Variants in ADAMTS9 observed in about 807,000 individuals in gnomAD.
ADAMTS9 encodes the protein A disintegrin and metalloproteinase with thrombospondin motifs 9.
In ADAMTS9, 107 loss-of-function variants were observed where a neutral mutation model predicts 257.1. That is an observed-to-expected ratio of 0.42 (90% CI 0.36 to 0.49). The LOEUF is 0.49. Among genes scored for constraint, ADAMTS9 ranks in the 20% least tolerant of loss-of-function variants. The probability of loss-of-function intolerance (pLI) is 0.03; values close to 1 mark genes in which losing one functional copy is unlikely to be tolerated. For missense variants in ADAMTS9, 2,353 were observed against 2,469.1 expected (o/e 0.95, Z 1.00); for synonymous variants, 982 against 880.9 (o/e 1.11, Z -2.03).
chr3:64,545,161 G>T (rs2083180228), intron 32 of ADAMTS9, among the ~76,000 whole-genome samples: 1 of 152,200 alleles, frequency 6.6e-6, no homozygotes, highest in Admixed American at 6.5e-5. Flanking sequence ...CTGTTGGTGG[G>T]ACTGTAAACT....
chr3:64,522,390 C>G lies in ADAMTS9; in HGVS notation c.5719-130G>C. 3 of 744,332 alleles carry G rather than the reference C, an allele frequency of 4.0e-6. No homozygotes were observed. In the South Asian group the frequency reaches 5.4e-5, roughly 13 times the overall value. The allele number at this position is 744,332 out of a possible 1,614,324, so 46.1% of individuals were successfully genotyped here. A position where few individuals can be genotyped will look rare whatever the true frequency, so the allele number is the denominator to read the frequency against. ...CTGAACTGATGTGAAGCCCAACATA[C>G]TCACCATGGTCTAAAGCAGGGGCTG... On this transcript the variant is annotated intron_variant, in intron 38 of 39. Transcript: ENST00000498707.
intron 8 of ADAMTS9, among the ~76,000 whole-genome samples, chr3:64,653,574 T>C (rs1334399966): frequency 1.3e-5 from 2 of 152,196 alleles, no homozygotes; most frequent in African/African-American, 4.8e-5. Flanking sequence ...TAATAAATGA[T>C]GTTAGCTCTA....
At chr3:64,640,030 T>A (rs1176960314) in intron 12 of ADAMTS9, among the ~76,000 whole-genome samples, 1 of 152,162 alleles carries the variant, frequency 6.6e-6, no homozygotes, top group Non-Finnish European at 1.5e-5. Flanking sequence ...GTGTCTGAAT[T>A]TTTTGAAGCA....
At chr3:64,636,209 C>A (rs1700491951) in intron 12 of ADAMTS9, among the ~76,000 whole-genome samples, 1 of 152,098 alleles carries the variant, frequency 6.6e-6, no homozygotes, top group East Asian at 1.9e-4. Flanking sequence ...GTAACAGTTT[C>A]CACCTTTGCT....
At chr3:64,544,947 G>A (rs1292912583) in intron 32 of ADAMTS9, among the ~76,000 whole-genome samples, 4 of 152,126 alleles carry the variant, frequency 2.6e-5, no homozygotes, top group Admixed American at 2.0e-4. Context: ...ACAAGTGGGC[G>A]ATGGATATGA....
intron 30 of ADAMTS9, among the ~76,000 whole-genome samples, chr3:64,555,658 C>T (rs374680066): frequency 3.3e-5 from 5 of 152,158 alleles, no homozygotes; most frequent in Non-Finnish European, 7.3e-5. Context: ...GGAAACACAA[C>T]GGGGCAATTC....
chr3:64,604,384 T>C (rs982718042), intron 23 of ADAMTS9, 53 bp from the exon 24 acceptor site: 3 of 1,290,762 alleles, frequency 2.3e-6, no homozygotes, highest in Non-Finnish European at 3.3e-6. Context: ...CAATGCACTT[T>C]CAAGGTAATG....
intron 30 of ADAMTS9, among the ~76,000 whole-genome samples, chr3:64,557,160 G>C (rs1215815405): frequency 6.6e-6 from 1 of 152,124 alleles, no homozygotes; most frequent in East Asian, 1.9e-4. Context: ...GGATAAGAAA[G>C]GGTGACTGAG....
chr3:64,669,402 A>G (rs532553523), intron 3 of ADAMTS9, among the ~76,000 whole-genome samples: 39 of 152,222 alleles, frequency 2.6e-4, no homozygotes, highest in Admixed American at 5.2e-4. Context: ...GCCTGGAAAG[A>G]ACACAGGACT....
intron 19 of ADAMTS9, among the ~76,000 whole-genome samples, chr3:64,620,491 C>T (rs10433643): frequency 0.23 from 35,441 of 151,698 alleles, 5,061 homozygotes; most frequent in East Asian, 0.5. Context: ...ATGCAAGCCC[C>T]GACTACTTAA....
intron 3 of ADAMTS9, among the ~76,000 whole-genome samples, chr3:64,661,643 T>G (rs1701226064): frequency 6.6e-6 from 1 of 152,170 alleles, no homozygotes; most frequent in South Asian, 2.1e-4. Context: ...AGCTCATGAT[T>G]TGGTGAACAG....
intron 38 of ADAMTS9, among the ~76,000 whole-genome samples, chr3:64,531,821 T>G (rs1161616625): frequency 6.6e-6 from 1 of 152,186 alleles, no homozygotes; most frequent in Non-Finnish European, 1.5e-5. Context: ...TTCCCCTATT[T>G]CTGAGGCAAC....
intron 36 of ADAMTS9, among the ~76,000 whole-genome samples, chr3:64,540,561 G>A (rs552215135): frequency 7.2e-5 from 11 of 152,290 alleles, no homozygotes; most frequent in South Asian, 4.1e-4. Context: ...CTGTGCTGGC[G>A]AAAGCTGGGC....
chr3:64,655,746 G>T, intron 5 of ADAMTS9, 46 bp downstream of exon 5: 2 of 1,576,682 alleles, frequency 1.3e-6, no homozygotes, highest in African/African-American at 2.7e-5. Context: ...AATTAGATAT[G>T]CCATTTCGGA....
Position 64,686,497 on chromosome 3 carries a change from G to T in ADAMTS9, c.516+71C>A. The T allele has an allele frequency of 6.7e-7, 1 of 1,487,976 alleles. No homozygotes were observed. Among genetic ancestry groups the T allele is most frequent in the Non-Finnish European group, 9.0e-7 (1 of 1,114,000 alleles). The allele number at this position is 1,487,976 out of a possible 1,614,324, so 92.2% of individuals were successfully genotyped here. A position where few individuals can be genotyped will look rare whatever the true frequency, so the allele number is the denominator to read the frequency against. On this transcript the variant is annotated intron_variant, in intron 2 of 39. Coordinates refer to ENST00000498707, the MANE Select transcript of ADAMTS9 (RefSeq NM_182920.2). This position sits in a 1 kb window ranked among gnomAD's most constrained non-coding sequence, Gnocchi z 4.6. ...GCCACAGTGAGGGTCTCTAGGCTTA[G>T]AGGACAATTAAGTCTTCTAGAAGCG... is the stretch of plus-strand genomic sequence containing the variant.
chr3:64,687,818 C>G lies in ADAMTS9; in HGVS notation c.-161G>C. 1 of 526,204 alleles carries G rather than the reference C, an allele frequency of 1.9e-6. No homozygotes were observed. The highest frequency in any genetic ancestry group is 3.3e-6 in the Non-Finnish European group (1 of 302,400). 32.6% of individuals were successfully genotyped at this position (526,204 alleles called of 1,614,324 possible). A position where few individuals can be genotyped will look rare whatever the true frequency, so the allele number is the denominator to read the frequency against. Reference sequence around the variant, plus strand: ...TCGCTGAGGTCTCGCTGCGAGGGTCCCGTCTGCGCTCGGCTGAGCAACGCC... The same window carrying G: ...TCGCTGAGGTCTCGCTGCGAGGGTCGCGTCTGCGCTCGGCTGAGCAACGCC... On this transcript the variant is annotated 5_prime_UTR_variant, in exon 1 of 40. Transcript: ENST00000498707. This position sits in a 1 kb window ranked among gnomAD's most constrained non-coding sequence, Gnocchi z 4.4.
intron 36 of ADAMTS9, among the ~76,000 whole-genome samples, chr3:64,539,839 G>A (rs2083098177): frequency 6.6e-6 from 1 of 152,278 alleles, no homozygotes; most frequent in Admixed American, 6.5e-5. Flanking sequence ...TCTCAAGTTC[G>A]GGGCTAGCCT....
chr3:64,520,989 T>C (rs1379609711), intron 39 of ADAMTS9, among the ~76,000 whole-genome samples: 1 of 152,014 alleles, frequency 6.6e-6, no homozygotes, highest in Non-Finnish European at 1.5e-5. Flanking sequence ...CAAAAGAAAC[T>C]ATCAACAGAA....
chr3:64,524,986 A>G (rs968751504), intron 38 of ADAMTS9, among the ~76,000 whole-genome samples: 6 of 152,184 alleles, frequency 3.9e-5, no homozygotes, highest in Admixed American at 3.9e-4. Flanking sequence ...TTCAGAACTC[A>G]GTTCAAAGCC....
Sources: gnomAD v4.1 joint callset for allele counts (sites outside exome capture counted in the v4.1 genomes callset) on GRCh38, gnomAD v4.1.1 for gene constraint, Gnocchi (gnomAD v3.1) non-coding constraint, MANE v1.5 for transcripts, NCBI Gene and HGNC (gene_info 2026-07-23, HGNC 2026-07-21) for gene names.